STXBP4: variants seen among roughly 807,000 people sequenced by gnomAD.
STXBP4 encodes syntaxin binding protein 4, also known as syntaxin-binding protein 4.
STXBP4 carries 55 observed loss-of-function variants against 76.1 expected under a neutral mutation model. The observed-to-expected ratio is 0.72, with a 90% CI of 0.58 to 0.91. The LOEUF (loss-of-function observed/expected upper bound fraction) is 0.91. Among genes scored for constraint, STXBP4 ranks in the 40% least tolerant of loss-of-function variants. The probability of loss-of-function intolerance (pLI) is 0.00; values close to 1 mark genes in which losing one functional copy is unlikely to be tolerated. For missense variants in STXBP4, 618 were observed against 636.9 expected, an observed-to-expected ratio of 0.97 and a Z score of 0.32; for synonymous variants, 201 against 220.2, an observed-to-expected ratio of 0.91 and a Z score of 0.77.
At chr17:54,989,317 G>A (rs189808250) in intron 3 of STXBP4, among the ~76,000 whole-genome samples, 9 of 152,190 alleles carry the variant, frequency 5.9e-5, no homozygotes, top group Admixed American at 3.3e-4. Flanking sequence ...CTGTGGTCTC[G>A]ATCTCCTGAC....
chr17:55,055,096 T>G (rs181788663), intron 12 of STXBP4, among the ~76,000 whole-genome samples: 2 of 152,330 alleles, frequency 1.3e-5, no homozygotes, highest in African/African-American at 4.8e-5. Context: ...TTTAAGAGCC[T>G]AAACCTGTCA....
intron 8 of STXBP4, among the ~76,000 whole-genome samples, chr17:55,026,353 A>C (rs2078415255): frequency 6.6e-6 from 1 of 152,190 alleles, no homozygotes; most frequent in East Asian, 1.9e-4. Context: ...TTTCCCCCCA[A>C]GATGGTAGAT....
At chr17:55,175,008 C>T (rs922176857), downstream of STXBP4, among the ~76,000 whole-genome samples, 8 of 151,238 alleles carry the variant, frequency 5.3e-5, no homozygotes, top group Admixed American at 1.3e-4. Flanking sequence ...TGCGACAGAG[C>T]GAGACTCCAT....
intron 1 of STXBP4, among the ~76,000 whole-genome samples, chr17:54,984,365 C>T (rs1437628458): frequency 2.6e-5 from 3 of 116,222 alleles, no homozygotes; most frequent in East Asian, 2.5e-4. Flanking sequence ...TTTTTTGAGA[C>T]GGAGTCTGGC....
intron 3 of STXBP4, among the ~76,000 whole-genome samples, 161 bp from the exon 4 acceptor site, chr17:54,990,664 C>T (rs575299745): frequency 3.3e-5 from 5 of 152,292 alleles, no homozygotes; most frequent in South Asian, 4.1e-4. Context: ...CCTCTCCCCC[C>T]ACCTTGGAAA....
Position 55,162,842 on chromosome 17 carries a change from C to T in STXBP4, c.*2931C>T, listed in dbSNP as rs535398710. 2.0e-5 allele frequency: 3 copies of T among 152,296 alleles called. No homozygotes were observed. In the East Asian group the frequency reaches 5.8e-4, roughly 29 times the overall value. The allele number at this position is 152,296 out of a possible 1,614,324, so 9.4% of individuals were successfully genotyped here. On this transcript the variant is annotated 3_prime_UTR_variant, in exon 18 of 18. Coordinates refer to ENST00000376352, the MANE Select transcript of STXBP4 (RefSeq NM_178509.6). ...TTTTCATGTCAATACATAGATTAAT[C>T]TTTTATTTCAAATGTCTACATAAAA... is the stretch of plus-strand genomic sequence containing the variant.
intron 13 of STXBP4, among the ~76,000 whole-genome samples, chr17:55,073,791 G>T (rs7222492): frequency 0.013 from 1,912 of 152,164 alleles, 36 homozygotes; most frequent in African/African-American, 0.043. Flanking sequence ...ACCACACCCA[G>T]CTAATTTTTT....
At chr17:55,080,158 A>C (rs2079238094) in intron 15 of STXBP4, among the ~76,000 whole-genome samples, 1 of 152,218 alleles carries the variant, frequency 6.6e-6, no homozygotes, top group Non-Finnish European at 1.5e-5. Context: ...TTTAAAAGCC[A>C]GAGCCTGCCC....
intron 10 of STXBP4, among the ~76,000 whole-genome samples, chr17:55,037,307 A>G (rs1331684631): frequency 6.6e-6 from 1 of 152,158 alleles, no homozygotes; most frequent in East Asian, 1.9e-4. Context: ...GAAGGCAAAG[A>G]TGGTTGGGTA....
rs1341180194 is a variant in STXBP4 at position 54,992,732 on chromosome 17, A to G, written c.180+1775A>G. Among the ~76,000 whole-genome samples, 4 of 120,440 alleles carry G rather than the reference A, an allele frequency of 3.3e-5. No individual in the cohort carries two copies. In the Admixed American group the frequency reaches 4.2e-4, roughly 13 times the overall value. The allele number at this position is 120,440 out of a possible 152,430, so 79.0% of individuals were successfully genotyped here. On this transcript the variant is annotated intron_variant, in intron 4 of 17. Coordinates refer to ENST00000376352, the MANE Select transcript of STXBP4 (RefSeq NM_178509.6). ...TTTTTTTTTTTTTTTTTTTTTTGAG[A>G]CAGAGTCTCACTCTGTTGCCCAGGC... is the stretch of plus-strand genomic sequence containing the variant.
At position 54,986,131 on chromosome 17, in the gene STXBP4, T is replaced by C. The variant is rs1023894464; in HGVS notation, c.-78-11T>C. On this transcript the variant is annotated splice_polypyrimidine_tract_variant and intron_variant, in intron 2 of 17. Coordinates refer to ENST00000376352, the MANE Select transcript of STXBP4 (RefSeq NM_178509.6). ...GACCTGACAATTTATTTTCTACTTCTTCAATCCTAGGAAAAGAAGAATTTC... is the reference window on the plus strand; with the variant it reads ...GACCTGACAATTTATTTTCTACTTCCTCAATCCTAGGAAAAGAAGAATTTC... 2.9e-5 allele frequency: 33 copies of C among 1,157,078 alleles called. No individual in the cohort carries two copies. In the African/African-American group the frequency reaches 5.1e-4, roughly 18 times the overall value. The allele number at this position is 1,157,078 out of a possible 1,614,324, so 71.7% of individuals were successfully genotyped here. A position where few individuals can be genotyped will look rare whatever the true frequency, so the allele number is the denominator to read the frequency against.
At chr17:54,982,651 C>G (rs930159515) in intron 1 of STXBP4, among the ~76,000 whole-genome samples, 1 of 150,320 alleles carries the variant, frequency 6.7e-6, no homozygotes, top group Non-Finnish European at 1.5e-5. Flanking sequence ...GTGTATGTAA[C>G]ATTACTGGAA....
In STXBP4 at chr17:54,986,385, T is replaced by A. The variant is rs985435389; in HGVS notation, c.47+119T>A. 5 of 651,036 alleles carry A rather than the reference T, an allele frequency of 7.7e-6. No individual in the cohort carries two copies. The African/African-American group carries it at 9.3e-5, about 12-fold the overall frequency. 40.3% of individuals were successfully genotyped at this position (651,036 alleles called of 1,614,324 possible). A position where few individuals can be genotyped will look rare whatever the true frequency, so the allele number is the denominator to read the frequency against. ...CTAATGTGGTCTAGGATAGCAGCAA[T>A]GAGTAGTGAGTAAAGTAATACGTTG... On this transcript the variant is annotated intron_variant, in intron 3 of 17. Coordinates refer to ENST00000376352, the MANE Select transcript of STXBP4 (RefSeq NM_178509.6).
chr17:55,090,839 GTGTGTGTGTGTGTGTC>G (rs1332873074), intron 16 of STXBP4, among the ~76,000 whole-genome samples: 1 of 87,212 alleles, frequency 1.1e-5, no homozygotes, highest in African/African-American at 4.9e-5. Flanking sequence ...TTTAAATTGT[GTGTGTGTGTGTGTGTC>G]TGTGTGTGTG....
intron 10 of STXBP4, among the ~76,000 whole-genome samples, chr17:55,036,202 C>T (rs566422851): frequency 6.6e-6 from 1 of 151,890 alleles, no homozygotes; most frequent in Non-Finnish European, 1.5e-5. Context: ...ATTGCTTTGG[C>T]TAATCTTCAG....
At position 55,078,158 on chromosome 17, in the gene STXBP4, T is replaced by C; in HGVS notation, c.1269T>C (p.Phe423=). ...AATCAGAAATGGCTCGAAAAACTTT[T>C]GAGGCATCCACTGAAAAGCTTCTTC... is the stretch of plus-strand genomic sequence containing the variant. ...LRKSEMARKT[F]EASTEKLLHF... is the part of the protein sequence containing the mutation. The change falls in exon 14 of 18, where the codon TTT becomes TTC. Residue 423 remains phenylalanine, a synonymous_variant. Transcript: ENST00000376352. 1 of 1,612,202 alleles carries C rather than the reference T, an allele frequency of 6.2e-7. No homozygotes were observed. The highest frequency in any genetic ancestry group is 8.5e-7 in the Non-Finnish European group (1 of 1,179,118).
intron 16 of STXBP4, among the ~76,000 whole-genome samples, chr17:55,105,937 A>G (rs2079629682): frequency 6.6e-6 from 1 of 152,076 alleles, no homozygotes; most frequent in African/African-American, 2.4e-5. Context: ...TATTCTGTTG[A>G]TTTGGGGTGG....
In STXBP4 at chr17:55,078,111, G is replaced by A. The variant is rs1326721508; in HGVS notation, c.1222G>A (p.Val408Ile). 6.2e-7 allele frequency: 1 copy of A among 1,611,618 alleles called. No homozygotes were observed. The highest frequency in any genetic ancestry group is 1.7e-5 in the Admixed American group (1 of 59,698). The change falls in exon 14 of 18, where the codon GTA (valine) becomes ATA (isoleucine). Residue 408 changes from valine to isoleucine, a missense_variant. Transcript: ENST00000376352. ...SVQDLKKRIM[V>I]LDCQLRKSEM... ...TCAGGATTTAAAAAAGAGAATCATGGTACTCGACTGCCAATTACGAAAATC... is the reference window on the plus strand; with the variant it reads ...TCAGGATTTAAAAAAGAGAATCATGATACTCGACTGCCAATTACGAAAATC...
Position 55,033,594 on chromosome 17 carries a change from C to T in STXBP4, c.764-574C>T, listed in dbSNP as rs542884751. 1.4e-4 allele frequency among the ~76,000 whole-genome samples: 21 copies of T among 152,250 alleles called. 2 individuals carry two copies. Among genetic ancestry groups the T allele is most frequent in the African/African-American group, 4.8e-4 (20 of 41,560 alleles). On this transcript the variant is annotated intron_variant, in intron 9 of 17. Transcript: ENST00000376352. The stretch of plus-strand genomic sequence containing the variant: ...ATACATAGATGAGTAAGTTACTCTC[C>T]TTGTCAGAAGAAGCCTATGAACTGT...
Sources: gnomAD v4.1 joint callset for allele counts (sites outside exome capture counted in the v4.1 genomes callset) on GRCh38, gnomAD v4.1.1 for gene constraint, MANE v1.5 for transcripts, NCBI Gene and HGNC (gene_info 2026-07-23, HGNC 2026-07-21) for gene names.